The following JPH3 variants were observed in gnomAD, a reference collection of about 807,000 sequenced individuals.
JPH3 encodes junctophilin 3.
A neutral mutation model predicts 59.6 loss-of-function variants in JPH3; 11 were observed. That is an observed-to-expected ratio of 0.18 (90% CI 0.12 to 0.31). JPH3 has a LOEUF of 0.31. Among genes scored for constraint, JPH3 ranks in the 10% least tolerant of loss-of-function variants. The pLI is 1.00. For missense variants in JPH3, 1,202 were observed against 1,105.7 expected, an observed-to-expected ratio of 1.09 and a Z score of -1.24; for synonymous variants, 673 against 483.6, an observed-to-expected ratio of 1.39 and a Z score of -5.14.
intron 2 of JPH3, among the ~76,000 whole-genome samples, chr16:87,657,049 C>T (rs1255028084): frequency 2.6e-5 from 4 of 152,142 alleles, no homozygotes; most frequent in African/African-American, 9.7e-5. Flanking sequence ...GCCCTATCTC[C>T]ACATATAGGC....
At position 87,644,904 on chromosome 16, in the gene JPH3, C is replaced by T. The variant is rs766984416; in HGVS notation, c.1029C>T (p.Leu343=). The T allele has an allele frequency of 1.2e-4, 187 of 1,613,012 alleles. No individual in the cohort carries two copies. Among genetic ancestry groups the T allele is most frequent in the Middle Eastern group, 4.9e-4 (3 of 6,084 alleles). The change falls in exon 2 of 5, where the codon CTC becomes CTT. Residue 343 remains leucine (L), a synonymous_variant. Coordinates refer to ENST00000284262, the MANE Select transcript of JPH3 (RefSeq NM_020655.4). ...KEEGKYKQNI[L]VGGKRKNLIP... ...AGGGCAAGTACAAGCAGAACATCCT[C>T]GTCGGCGGCAAGCGCAAGAACCTCA...
At chr16:87,648,251 AG>A (rs2032217341) in intron 2 of JPH3, among the ~76,000 whole-genome samples, 1 of 151,020 alleles carries the variant, frequency 6.6e-6, no homozygotes, top group African/African-American at 2.4e-5. Flanking sequence ...GAAAAAAAAA[AG>A]GAAAAAAAGG....
chr16:87,639,215 C>G (rs1232329771), intron 1 of JPH3, among the ~76,000 whole-genome samples: 1 of 152,290 alleles, frequency 6.6e-6, no homozygotes, highest in South Asian at 2.1e-4. Context: ...CCGCCCTCCC[C>G]TCGTTGCAGA....
At chr16:87,689,428 C>A (rs936213507) in intron 3 of JPH3, among the ~76,000 whole-genome samples, 1 of 152,162 alleles carries the variant, frequency 6.6e-6, no homozygotes, top group Non-Finnish European at 1.5e-5. Flanking sequence ...CCTAGCCAGT[C>A]TCCCTCCAAG....
chr16:87,657,851 TGTA>T (rs1413762899), intron 2 of JPH3, among the ~76,000 whole-genome samples: 13 of 152,284 alleles, frequency 8.5e-5, no homozygotes, highest in African/African-American at 2.9e-4. Context: ...GGCTGGGAAA[TGTA>T]GTCCTTAGTC....
rs1053998694 is a variant in JPH3, at chr16:87,690,599, G to C, written c.2166+73G>C. 2.2e-6 allele frequency: 3 copies of C among 1,383,218 alleles called. No homozygotes were observed. The African/African-American group carries it at 4.4e-5, about 20-fold the overall frequency. The allele number at this position is 1,383,218 out of a possible 1,614,324, so 85.7% of individuals were successfully genotyped here. On this transcript the variant is annotated intron_variant, in intron 4 of 4. Transcript: ENST00000284262. ...TCTCTGCTGACCTGGTGTTTCCTGAGGGTTTCCAGCAAGGTCACTGCTCCC... is the reference window on the plus strand; with the variant it reads ...TCTCTGCTGACCTGGTGTTTCCTGACGGTTTCCAGCAAGGTCACTGCTCCC...
chr16:87,687,725 G>C (rs2033452248), intron 3 of JPH3, among the ~76,000 whole-genome samples: 1 of 152,204 alleles, frequency 6.6e-6, no homozygotes. Context: ...CTAGCTGAGG[G>C]TGCCCTCCTG....
At chr16:87,637,531 C>G (rs1462538855) in intron 1 of JPH3, among the ~76,000 whole-genome samples, 1 of 152,046 alleles carries the variant, frequency 6.6e-6, no homozygotes, top group Admixed American at 6.6e-5. Flanking sequence ...GTCTCTGACC[C>G]CCGGAGTCAT....
At chr16:87,654,248 C>G (rs28505805) in intron 2 of JPH3, 15,738 of 152,308 alleles carry the variant, frequency 0.1, 967 homozygotes, top group Non-Finnish European at 0.14. Context: ...AGATGCGCCT[C>G]TCTGGACTCA....
chr16:87,637,391 G>A (rs1049120330), intron 1 of JPH3, among the ~76,000 whole-genome samples: 38 of 84,210 alleles, frequency 4.5e-4, no homozygotes, highest in African/African-American at 1.6e-3. Flanking sequence ...ATGTTATGGG[G>A]GAGAGAGAGA....
intron 1 of JPH3, among the ~76,000 whole-genome samples, chr16:87,622,960 G>C (rs765300801): frequency 6.6e-6 from 1 of 152,260 alleles, no homozygotes; most frequent in South Asian, 2.1e-4. Flanking sequence ...TGCGATGGCC[G>C]CTACTACCTG....
rs187376761 is a variant in JPH3 at position 87,679,646 on chromosome 16, G to A, written c.1161-4496G>A. ...GTTGGGAAGCTGGTGTTCGCTGTCC[G>A]GGCTGGGTCGTGCCGGCTCTCCGTG... On this transcript the variant is annotated intron_variant, in intron 2 of 4. Coordinates refer to ENST00000284262, the MANE Select transcript of JPH3 (RefSeq NM_020655.4). 7.1e-3 allele frequency among the ~76,000 whole-genome samples: 1,087 copies of A among 152,354 alleles called. 41 individuals are homozygous for A. The highest frequency in any genetic ancestry group is 0.067 in the Admixed American group (1,022 of 15,306).
chr16:87,668,063 G>T lies in JPH3; in HGVS notation c.1161-16079G>T, dbSNP rs1005419725. Among the ~76,000 whole-genome samples the T allele has an allele frequency of 2.0e-5, 3 of 152,294 alleles. No homozygotes were observed. The South Asian group carries it at 6.2e-4, about 32-fold the overall frequency. ...CTGGCTGGTTTGCCCTGGGGATCCCGCATCCTCTGACTACCGTGATGAGCA... is the reference window on the plus strand; with the variant it reads ...CTGGCTGGTTTGCCCTGGGGATCCCTCATCCTCTGACTACCGTGATGAGCA... On this transcript the variant is annotated intron_variant, in intron 2 of 4. Coordinates refer to ENST00000284262, the MANE Select transcript of JPH3 (RefSeq NM_020655.4).
Position 87,603,461 on chromosome 16 carries a change from C to G in JPH3, c.315C>G (p.Ala105=), listed in dbSNP as rs371772928. 2.0e-4 allele frequency: 307 copies of G among 1,561,442 alleles called. No individual in the cohort carries two copies. The highest frequency in any genetic ancestry group is 2.5e-4 in the Non-Finnish European group (293 of 1,153,572). ...TGCGGGAGTGCGCGGGCAACGGGGC[C>G]AAATACGAAGGGACCTGGAGCAACG... The part of the protein sequence containing the change: ...YGVRECAGNG[A]KYEGTWSNGL... The change falls in exon 1 of 5, where the codon GCC becomes GCG. Residue 105 remains alanine (A), a synonymous_variant. Coordinates refer to ENST00000284262, the MANE Select transcript of JPH3 (RefSeq NM_020655.4).
chr16:87,690,316 G>C lies in JPH3; in HGVS notation c.1956G>C (p.Val652=). 1.3e-6 allele frequency: 2 copies of C among 1,592,910 alleles called. No individual in the cohort carries two copies. The highest frequency in any genetic ancestry group is 1.7e-6 in the Non-Finnish European group (2 of 1,170,424). The change falls in exon 4 of 5, where the codon GTG becomes GTC. Residue 652 remains valine, a synonymous_variant. Coordinates refer to ENST00000284262, the MANE Select transcript of JPH3 (RefSeq NM_020655.4). ...DHRPEDRGFG[V]QRLRSKAQNK... ...GCCCCGAGGACCGGGGCTTCGGGGT[G>C]CAGAGACTGCGGTCCAAGGCCCAGA...
intron 1 of JPH3, among the ~76,000 whole-genome samples, chr16:87,616,190 T>TTGTGTGTGTGTGTGTGTGTG (rs56053716): frequency 2.6e-5 from 3 of 116,048 alleles, no homozygotes; most frequent in African/African-American, 1.0e-4. Flanking sequence ...CAATCTGGTT[T>TTGTGTGTGTGTGTGTGTGTG]TGTGTGTGTG....
chr16:87,678,486 C>CCTTCT (rs2033205807), intron 2 of JPH3, among the ~76,000 whole-genome samples: 1 of 151,982 alleles, frequency 6.6e-6, no homozygotes, highest in African/African-American at 2.4e-5. Context: ...TTGCAGTGAG[C>CCTTCT]CGAGATCATG....
chr16:87,688,009 C>T (rs1348972841), intron 3 of JPH3, among the ~76,000 whole-genome samples: 2 of 152,184 alleles, frequency 1.3e-5, no homozygotes, highest in South Asian at 2.1e-4. Context: ...CTGCCCTCCA[C>T]ACAGGACCCT....
At chr16:87,651,985 T>C (rs1237610419) in intron 2 of JPH3, among the ~76,000 whole-genome samples, 8 of 152,144 alleles carry the variant, frequency 5.3e-5, no homozygotes, top group Admixed American at 5.2e-4. Flanking sequence ...TTTTTTTTGT[T>C]TTGTTTTGAG....
Sources: allele counts gnomAD v4.1 joint callset (sites outside exome capture counted in the v4.1 genomes callset), GRCh38; gene constraint gnomAD v4.1.1; transcripts MANE v1.5; gene names NCBI Gene and HGNC (gene_info 2026-07-23, HGNC 2026-07-21).